The following PCDH11X variants were observed in gnomAD, a reference collection of about 807,000 sequenced individuals.
The protein encoded by PCDH11X is protocadherin 11 X-linked.
In PCDH11X, 18 loss-of-function variants were observed where a neutral mutation model predicts 53.3. That is an observed-to-expected ratio of 0.34 (90% CI 0.23 to 0.50). The LOEUF is 0.50. Ranked by LOEUF, PCDH11X falls within the 20% of genes least tolerant of loss-of-function variation. The probability of loss-of-function intolerance (pLI) is 0.98; values close to 1 mark genes in which losing one functional copy is unlikely to be tolerated. For synonymous variants in PCDH11X, 279 were observed against 393.3 expected, an observed-to-expected ratio of 0.71 and a Z score of 3.44; for missense variants, 570 against 1,032.4, an observed-to-expected ratio of 0.55 and a Z score of 6.14.
chrX:92,073,486 G>A (rs1271695549), intron 6 of PCDH11X, among the ~76,000 whole-genome samples: 1 of 112,468 alleles, frequency 8.9e-6, no homozygotes, highest in Non-Finnish European at 1.9e-5. Context: ...AATACAATGA[G>A]TGGAAACTGG....
intron 10 of PCDH11X, among the ~76,000 whole-genome samples, chrX:92,552,217 A>AT: frequency 1.3e-5 from 1 of 77,079 alleles, no homozygotes; most frequent in East Asian, 3.7e-4. Flanking sequence ...GTCCTCCTCA[A>AT]TTTTTTTTCA....
chrX:92,295,452 TC>T (rs2068586175), intron 8 of PCDH11X, among the ~76,000 whole-genome samples: 1 of 110,494 alleles, frequency 9.1e-6, no homozygotes, highest in Non-Finnish European at 1.9e-5. Context: ...TTTTACTTCT[TC>T]CTTTCCAATC....
At chrX:91,986,595 G>A (rs1179308937) in intron 6 of PCDH11X, among the ~76,000 whole-genome samples, 1 of 110,348 alleles carries the variant, frequency 9.1e-6, no homozygotes, top group African/African-American at 3.3e-5. Flanking sequence ...CTTTAAGGGA[G>A]AAGCCATTTC....
At chrX:92,149,430 ACTCTCTCT>A (rs199657624) in intron 6 of PCDH11X, among the ~76,000 whole-genome samples, 12 of 80,360 alleles carry the variant, frequency 1.5e-4, no homozygotes, top group East Asian at 1.0e-3. Flanking sequence ...TCTTTCTCTC[ACTCTCTCT>A]CTCTCTCTCT....
intron 6 of PCDH11X, among the ~76,000 whole-genome samples, chrX:91,902,199 C>T (rs182027661): frequency 8.1e-5 from 9 of 110,464 alleles, no homozygotes; most frequent in African/African-American, 2.3e-4. Context: ...GGGAATGTTA[C>T]GTCAACCACC....
intron 9 of PCDH11X, among the ~76,000 whole-genome samples, chrX:92,467,250 A>G (rs921393010): frequency 2.7e-5 from 3 of 111,611 alleles, no homozygotes; most frequent in Non-Finnish European, 5.7e-5. Context: ...AAAGTGTTGT[A>G]CAATGCTCTT....
At chrX:92,078,514 G>A (rs1283471369) in intron 6 of PCDH11X, among the ~76,000 whole-genome samples, 2 of 111,098 alleles carry the variant, frequency 1.8e-5, no homozygotes, top group Admixed American at 9.7e-5. Flanking sequence ...GCTAATGAGT[G>A]ATTCTTAGGA....
intron 8 of PCDH11X, among the ~76,000 whole-genome samples, chrX:92,302,886 A>C (rs1308965713): frequency 1.8e-5 from 2 of 111,513 alleles, no homozygotes; most frequent in Non-Finnish European, 3.8e-5. Context: ...TAGAAAGTTG[A>C]GAAATTATTG....
intron 7 of PCDH11X, among the ~76,000 whole-genome samples, chrX:92,250,023 A>G (rs1280459997): frequency 9.0e-6 from 1 of 111,381 alleles, no homozygotes; most frequent in Non-Finnish European, 1.9e-5. Context: ...AAAAATTGTC[A>G]TTCGCTCTAA....
intron 5 of PCDH11X, among the ~76,000 whole-genome samples, chrX:91,870,919 G>T (rs1180071913): frequency 9.0e-6 from 1 of 111,026 alleles, no homozygotes; most frequent in Non-Finnish European, 1.9e-5. Flanking sequence ...CGAGGGACTT[G>T]GTGACATTAG....
At chrX:92,094,941 A>G (rs895620760) in intron 6 of PCDH11X, among the ~76,000 whole-genome samples, 2 of 111,866 alleles carry the variant, frequency 1.8e-5, no homozygotes, top group Non-Finnish European at 3.8e-5. Context: ...TATTATCAAT[A>G]TTTAAATTAC....
chrX:92,250,076 G>A (rs1429458796), intron 7 of PCDH11X, among the ~76,000 whole-genome samples: 1 of 111,291 alleles, frequency 9.0e-6, no homozygotes, highest in Non-Finnish European at 1.9e-5. Context: ...TGAAATGATG[G>A]GTAAATTCAT....
chrX:91,887,529 T>A (rs1940289158), intron 6 of PCDH11X, among the ~76,000 whole-genome samples: 1 of 112,227 alleles, frequency 8.9e-6, no homozygotes, highest in African/African-American at 3.2e-5. Context: ...CATAGGTTTC[T>A]ATTTTTATTG....
At chrX:91,983,703 TC>T (rs2062183200) in intron 6 of PCDH11X, among the ~76,000 whole-genome samples, 1 of 111,454 alleles carries the variant, frequency 9.0e-6, no homozygotes, top group Admixed American at 9.5e-5. Flanking sequence ...TCCCATCAGT[TC>T]CCTCCCACAA....
chrX:92,063,651 C>A (rs774597348), intron 6 of PCDH11X, among the ~76,000 whole-genome samples: 1 of 112,277 alleles, frequency 8.9e-6, no homozygotes, highest in African/African-American at 3.2e-5. Context: ...TGCCATGGTT[C>A]TCACACTAGT....
At chrX:91,792,787 A>G (rs1935598569) in intron 1 of PCDH11X, among the ~76,000 whole-genome samples, 1 of 111,822 alleles carries the variant, frequency 8.9e-6, no homozygotes, top group Non-Finnish European at 1.9e-5. Context: ...CCTTTACAAT[A>G]TCATTACACT....
intron 10 of PCDH11X, among the ~76,000 whole-genome samples, chrX:92,604,623 G>A (rs1368495460): frequency 1.8e-5 from 2 of 111,409 alleles, no homozygotes; most frequent in African/African-American, 6.5e-5. Context: ...TAATAACAAA[G>A]TAAATGGATT....
At chrX:92,573,776 T>G (rs1328553431) in intron 10 of PCDH11X, among the ~76,000 whole-genome samples, 1 of 107,704 alleles carries the variant, frequency 9.3e-6, no homozygotes, top group Non-Finnish European at 1.9e-5. Flanking sequence ...TAATTATAAA[T>G]ATGTGCTTAA....
At chrX:92,613,542 TTGTTGTGTG>T (rs1413189763) in intron 10 of PCDH11X, among the ~76,000 whole-genome samples, 42 of 94,221 alleles carry the variant, frequency 4.5e-4, no homozygotes, top group Admixed American at 7.0e-4. Flanking sequence ...GTTGTTGTTG[TTGTTGTGTG>T]TGTGTGTGTG....
Sources: allele counts gnomAD v4.1 joint callset (sites outside exome capture counted in the v4.1 genomes callset), GRCh38; gene constraint gnomAD v4.1.1; transcripts MANE v1.5; gene names NCBI Gene and HGNC (gene_info 2026-07-23, HGNC 2026-07-21).